Variants in CACNA2D3 observed in about 807,000 individuals in gnomAD.
CACNA2D3 encodes the protein voltage-dependent calcium channel subunit alpha-2/delta-3.
Under a neutral mutation model 160.6 loss-of-function variants are expected in CACNA2D3, and 60 were observed. The ratio of observed to expected loss-of-function variants is 0.37; its 90% CI spans 0.30 to 0.46. The LOEUF (loss-of-function observed/expected upper bound fraction) is 0.46. CACNA2D3 is among the 20% of genes least tolerant of loss of function. The pLI is 1.00. For missense variants in CACNA2D3, 1,205 were observed against 1,365.0 expected, an observed-to-expected ratio of 0.88 and a Z score of 1.85; for synonymous variants, 558 against 492.9, an observed-to-expected ratio of 1.13 and a Z score of -1.75.
At chr3:54,321,197 G>A (rs1031179507) in intron 3 of CACNA2D3, among the ~76,000 whole-genome samples, 8 of 152,034 alleles carry the variant, frequency 5.3e-5, no homozygotes, top group Non-Finnish European at 1.2e-4. Flanking sequence ...GTGGGTGCCT[G>A]TAATCCCAGC....
chr3:54,218,455 G>A (rs1189051528), intron 2 of CACNA2D3, among the ~76,000 whole-genome samples: 1 of 152,244 alleles, frequency 6.6e-6, no homozygotes, highest in Non-Finnish European at 1.5e-5. Context: ...GCTGGCTTAA[G>A]TTTTTAAATC....
At chr3:54,807,625 A>G (rs1294350177) in intron 13 of CACNA2D3, among the ~76,000 whole-genome samples, 1 of 151,614 alleles carries the variant, frequency 6.6e-6, no homozygotes, top group Non-Finnish European at 1.5e-5. Flanking sequence ...AACTAGTTCA[A>G]CCATTGTGGA....
chr3:54,812,436 G>A (rs934397765), intron 13 of CACNA2D3, among the ~76,000 whole-genome samples: 4 of 152,206 alleles, frequency 2.6e-5, no homozygotes, highest in Admixed American at 6.5e-5. Flanking sequence ...CCAGGCAAGT[G>A]GAGAGGGGTC....
chr3:54,539,468 T>C (rs926630199), intron 5 of CACNA2D3, among the ~76,000 whole-genome samples: 2 of 152,202 alleles, frequency 1.3e-5, no homozygotes, highest in African/African-American at 4.8e-5. Flanking sequence ...GTGTGTGTTG[T>C]ATGTGCTAAA....
intron 4 of CACNA2D3, among the ~76,000 whole-genome samples, chr3:54,453,509 A>G (rs1700345336): frequency 1.4e-5 from 1 of 70,594 alleles, no homozygotes; most frequent in Non-Finnish European, 3.4e-5. Flanking sequence ...CATTTATACA[A>G]ACGAGATCTT....
intron 9 of CACNA2D3, among the ~76,000 whole-genome samples, chr3:54,606,074 T>C (rs1698604540): frequency 6.6e-6 from 1 of 152,120 alleles, no homozygotes; most frequent in South Asian, 2.1e-4. Context: ...TAGCAATGAA[T>C]CAGGGGAAGG....
intron 3 of CACNA2D3, 37 bp downstream of exon 3, chr3:54,320,595 G>T: frequency 8.7e-7 from 1 of 1,150,418 alleles, no homozygotes; most frequent in Non-Finnish European, 1.2e-6. Context: ...ATCGCCTGAA[G>T]GCACAAAGGC....
chr3:54,346,338 G>T (rs1030000455), intron 3 of CACNA2D3, among the ~76,000 whole-genome samples: 24 of 152,140 alleles, frequency 1.6e-4, no homozygotes, highest in Non-Finnish European at 3.4e-4. Flanking sequence ...TGGGCTGTTG[G>T]AGTAGCCAGC....
At chr3:54,486,079 G>A (rs1408474322) in intron 4 of CACNA2D3, among the ~76,000 whole-genome samples, 1 of 152,226 alleles carries the variant, frequency 6.6e-6, no homozygotes, top group Non-Finnish European at 1.5e-5. Context: ...GAGAAGCTGT[G>A]AGTGAGTAGT....
chr3:54,632,624 G>A (rs955787850), intron 10 of CACNA2D3: 1 of 152,220 alleles, frequency 6.6e-6, no homozygotes, highest in Non-Finnish European at 1.5e-5. Context: ...TTTGGTTGAA[G>A]ATGGACCCTT....
At chr3:54,123,473 A>G in intron 1 of CACNA2D3, 40 bp from the exon 2 acceptor site, 1 of 1,429,242 alleles carries the variant, frequency 7.0e-7, no homozygotes, top group Non-Finnish European at 9.9e-7. Flanking sequence ...TGACTGTGAC[A>G]CGGGTGTTAC....
intron 11 of CACNA2D3, among the ~76,000 whole-genome samples, chr3:54,687,359 G>A (rs1286263736): frequency 2.0e-5 from 3 of 149,348 alleles, no homozygotes; most frequent in East Asian, 3.9e-4. Context: ...CACCATGTTG[G>A]CCAGGATGGT....
chr3:54,881,239 C>CA (rs1244972229), intron 21 of CACNA2D3, among the ~76,000 whole-genome samples: 1 of 152,104 alleles, frequency 6.6e-6, no homozygotes, highest in African/African-American at 2.4e-5. Context: ...GGGAGAAATA[C>CA]AAATTTATGA....
intron 2 of CACNA2D3, among the ~76,000 whole-genome samples, chr3:54,247,155 C>T (rs1169870298): frequency 1.3e-5 from 2 of 152,004 alleles, no homozygotes; most frequent in East Asian, 3.9e-4. Flanking sequence ...ACTAAAAATA[C>T]AAAAATTAGC....
intron 11 of CACNA2D3, among the ~76,000 whole-genome samples, chr3:54,717,955 A>G (rs984149186): frequency 6.6e-5 from 10 of 152,112 alleles, no homozygotes; most frequent in Middle Eastern, 3.2e-3. Flanking sequence ...TGTGATCACT[A>G]ATGTTGATCA....
chr3:54,361,034 C>G (rs1249943700), intron 3 of CACNA2D3, among the ~76,000 whole-genome samples: 2 of 152,026 alleles, frequency 1.3e-5, no homozygotes, highest in African/African-American at 4.8e-5. Context: ...TTTGTCACTG[C>G]ATTTTTGGTA....
intron 13 of CACNA2D3, among the ~76,000 whole-genome samples, chr3:54,801,629 G>A (rs943296832): frequency 6.6e-6 from 1 of 152,082 alleles, no homozygotes; most frequent in South Asian, 2.1e-4. Flanking sequence ...GTGGATATTA[G>A]CATCATAGGG....
chr3:54,273,589 G>A (rs530417500), intron 2 of CACNA2D3, among the ~76,000 whole-genome samples: 1 of 152,232 alleles, frequency 6.6e-6, no homozygotes, highest in East Asian at 1.9e-4. Context: ...AGACTTAGAC[G>A]CTGTCTGAAG....
chr3:54,819,789 G>A (rs2106719443), intron 14 of CACNA2D3, among the ~76,000 whole-genome samples: 1 of 150,082 alleles, frequency 6.7e-6, no homozygotes, highest in African/African-American at 2.5e-5. Context: ...AGGTTGCAGT[G>A]AGCCGAGATC....
Sources: allele counts gnomAD v4.1 joint callset (sites outside exome capture counted in the v4.1 genomes callset), GRCh38; gene constraint gnomAD v4.1.1; transcripts MANE v1.5; gene names NCBI Gene and HGNC (gene_info 2026-07-23, HGNC 2026-07-21).